Variants in MYH6 observed in about 807,000 individuals in gnomAD.
MYH6 encodes myosin heavy chain 6.
Under a neutral mutation model 223.2 loss-of-function variants are expected in MYH6, and 126 were observed. The observed-to-expected ratio is 0.56, with a 90% CI of 0.49 to 0.65. The LOEUF (loss-of-function observed/expected upper bound fraction) is 0.65, where lower values mean the gene tolerates loss of function less well. MYH6 is among the 30% of genes least tolerant of loss of function. The pLI, the probability that MYH6 is intolerant of heterozygous loss-of-function variation, is 0.00. For missense variants in MYH6, 2,040 were observed against 2,536.4 expected (o/e 0.80, Z 4.20); for synonymous variants, 978 against 1,010.2 (o/e 0.97, Z 0.61).
chr14:23,389,341 A>G, intron 28 of MYH6, 52 bp downstream of exon 28: 1 of 1,581,230 alleles, frequency 6.3e-7, no homozygotes, highest in South Asian at 1.1e-5. Flanking sequence ...CACTGAGATG[A>G]ATTGCCCCAG....
At chr14:23,383,341 G>GGGGGGGGCCCCCCCCCCCCCCC in intron 36 of MYH6, 21 bp from the exon 37 acceptor site, 2 of 556,570 alleles carry the variant, frequency 3.6e-6, no homozygotes, top group Non-Finnish European at 6.5e-6. Flanking sequence ...GAGGGTGGGA[G>GGGGGGGGCCCCCCCCCCCCCCC]AAGCTGGTTT....
In MYH6 at chr14:23,392,615, C is replaced by T. The variant is rs150868324; in HGVS notation, c.3289G>A (p.Glu1097Lys). 3.3e-6 allele frequency: 5 copies of T among 1,526,314 alleles called. No homozygotes were observed. Among genetic ancestry groups the T allele is most frequent in the Non-Finnish European group, 3.6e-6 (4 of 1,126,596 alleles). The allele number at this position is 1,526,314 out of a possible 1,614,324, so 94.5% of individuals were successfully genotyped here. A position where few individuals can be genotyped will look rare whatever the true frequency, so the allele number is the denominator to read the frequency against. Residue 1097 changes from glutamate (E) to lysine (K), a missense_variant, in exon 25 of 39, where the codon GAG (glutamate) becomes AAG (lysine). By Grantham distance (56) the Glu-to-Lys change is moderately conservative. Around this residue, in one of 4 missense-constraint regions of MYH6, gnomAD observed 1,203 missense variants for 1,400.2 expected, o/e 0.86. Transcript: ENST00000405093. ...FDINQQNSKI[E>K]DEQVLALQLQ... The stretch of plus-strand genomic sequence containing the variant: ...TGAAGGGCCAGCACCTGCTCATCCT[C>T]AATCTTACTGTTCTGCTGATTAATG...
chr14:23,393,246 C>T, intron 23 of MYH6, 96 bp downstream of exon 23: 1 of 1,546,198 alleles, frequency 6.5e-7, no homozygotes, highest in Non-Finnish European at 8.9e-7. Context: ...CTTCAGGGGC[C>T]ATAGAAGTTA....
intron 37 of MYH6, 107 bp downstream of exon 37, chr14:23,383,118 A>T: frequency 9.6e-7 from 1 of 1,045,364 alleles, no homozygotes; most frequent in Non-Finnish European, 1.5e-6. Flanking sequence ...TTTGAGAGTT[A>T]AAGTTTATAG....
In MYH6 at chr14:23,394,141, C is replaced by T. The variant is rs869025473; in HGVS notation, c.2612G>A (p.Arg871His). ...CATCTTCTCCTCCAGCTCCTTGCGG[C>T]GAGCCTCGGACTTCTCCAGCGTCTC... ...IKETLEKSEARRKELEEKMVS... is the reference protein window; with the variant it reads ...IKETLEKSEAHRKELEEKMVS... The change falls in exon 21 of 39, where the codon CGC (arginine) becomes CAC (histidine). Residue 871 changes from arginine (R) to histidine (H), a missense_variant. Coordinates refer to ENST00000405093, the MANE Select transcript of MYH6 (RefSeq NM_002471.4). The T allele has an allele frequency of 2.9e-5, 47 of 1,614,078 alleles. No homozygotes were observed. The highest frequency in any genetic ancestry group is 1.6e-4 in the Middle Eastern group (1 of 6,084).
intron 32 of MYH6, 144 bp downstream of exon 32, chr14:23,387,385 G>T (rs546941025): frequency 1.5e-6 from 2 of 1,319,066 alleles, no homozygotes; most frequent in South Asian, 1.2e-5. Flanking sequence ...GCAGTCATGG[G>T]TAGTGAATAG....
At position 23,407,227 on chromosome 14, in the gene MYH6, G is replaced by C. The variant is rs766664888; in HGVS notation, c.-4C>G. ...CAGCCATCTGGGCATCGGTCATCTT[G>C]GTGCTTCCCCTGGGTCAGAGACAGG... On this transcript the variant is annotated 5_prime_UTR_variant, in exon 3 of 39. Coordinates refer to ENST00000405093, the MANE Select transcript of MYH6 (RefSeq NM_002471.4). The surrounding 1 kb of genome is among the most constrained non-coding windows in gnomAD (Gnocchi z 5.6). 1.9e-5 allele frequency: 30 copies of C among 1,614,086 alleles called. No individual in the cohort carries two copies. Among genetic ancestry groups the C allele is most frequent in the Non-Finnish European group, 2.5e-5 (29 of 1,180,042 alleles).
chr14:23,402,801 C>A lies in MYH6; in HGVS notation c.899-1G>T. On this transcript the variant is annotated splice_acceptor_variant, in intron 10 of 38. Coordinates refer to ENST00000405093, the MANE Select transcript of MYH6 (RefSeq NM_002471.4). LOFTEE classifies it high-confidence loss of function. The stretch of plus-strand genomic sequence containing the variant: ...GGATTGTTGGTGACCAGCAGCATGT[C>A]TGCACCAGGCAAGGGGTGAGGCAGG... 6.2e-7 allele frequency: 1 copy of A among 1,601,722 alleles called. No homozygotes were observed. The highest frequency in any genetic ancestry group is 1.1e-5 in the South Asian group (1 of 90,792).
chr14:23,396,479 A>G (rs1251314181), intron 19 of MYH6, 59 bp from the exon 20 acceptor site: 1 of 1,601,310 alleles, frequency 6.2e-7, no homozygotes, highest in Non-Finnish European at 8.5e-7. Flanking sequence ...TCCAGGGTGG[A>G]AGACCCTGGA....
rs1212233435 is a variant in MYH6, at chr14:23,407,107, C to T, written c.117G>A (p.Val39=). The T allele has an allele frequency of 6.2e-7, 1 of 1,614,278 alleles. No individual in the cohort carries two copies. Among genetic ancestry groups the T allele is most frequent in the South Asian group, 1.1e-5 (1 of 91,086 alleles). Residue 39 remains valine, a synonymous_variant, in exon 3 of 39, where the codon GTG becomes GTA. Coordinates refer to ENST00000405093, the MANE Select transcript of MYH6 (RefSeq NM_002471.4). The surrounding 1 kb of genome is among the most constrained non-coding windows in gnomAD (Gnocchi z 5.6). ...TGACAAACTCTTCCTTGTCATCGGG[C>T]ACGAAGCACTCAGTGCGAATGTCAA... ...RPFDIRTECF[V]PDDKEEFVKA...
rs1189674420 is a variant in MYH6, at chr14:23,405,538, C to G, written c.345+89G>C. Reference sequence around the variant, plus strand: ...AAGGGGACTTGGGTCCCTTGGGAGTCTCTCCCCCTCTTCTTGGGAGAGCCC... The same window carrying G: ...AAGGGGACTTGGGTCCCTTGGGAGTGTCTCCCCCTCTTCTTGGGAGAGCCC... On this transcript the variant is annotated intron_variant, in intron 4 of 38. Transcript: ENST00000405093. This position sits in a 1 kb window ranked among gnomAD's most constrained non-coding sequence, Gnocchi z 4.7. The G allele has an allele frequency of 6.9e-6, 11 of 1,603,084 alleles. No individual in the cohort carries two copies. Among genetic ancestry groups the G allele is most frequent in the Non-Finnish European group, 9.4e-6 (11 of 1,173,672 alleles).
At chr14:23,388,011 C>T in intron 30 of MYH6, 88 bp from the exon 31 acceptor site, 1 of 1,605,276 alleles carries the variant, frequency 6.2e-7, no homozygotes, top group Non-Finnish European at 8.5e-7. Flanking sequence ...CCAGCCTCAG[C>T]CGCATGTCCA....
chr14:23,401,634 T>C (rs1427004626), intron 12 of MYH6, among the ~76,000 whole-genome samples: 1 of 152,238 alleles, frequency 6.6e-6, no homozygotes. Flanking sequence ...AGGGTGTGGC[T>C]GAGGGGCTAG....
intron 20 of MYH6, 37 bp downstream of exon 20, chr14:23,396,247 A>G (rs1891389537): frequency 1.2e-6 from 2 of 1,613,618 alleles, no homozygotes; most frequent in Admixed American, 1.7e-5. Context: ...CTGCCTCTAC[A>G]TCTCTAGTGC....
At chr14:23,395,077 C>CTGG (rs1891354192) in intron 20 of MYH6, among the ~76,000 whole-genome samples, 1 of 152,174 alleles carries the variant, frequency 6.6e-6, no homozygotes, top group Non-Finnish European at 1.5e-5. Flanking sequence ...GTTGGCCAGG[C>CTGG]TGGTCTCCAT....
Position 23,393,710 on chromosome 14 carries a change from T to C in MYH6, c.2884A>G (p.Thr962Ala). 6.2e-7 allele frequency: 1 copy of C among 1,614,212 alleles called. No individual in the cohort carries two copies. The highest frequency in any genetic ancestry group is 8.5e-7 in the Non-Finnish European group (1 of 1,180,036). The change falls in exon 22 of 39, where the codon ACA (threonine) becomes GCA (alanine). Residue 962 changes from threonine to alanine, a missense_variant. By Grantham distance (58) the Thr-to-Ala change is moderately conservative. Transcript: ENST00000405093. ...TTCTCCTTCTCCACCTTGGCCAGTG[T>C]CAGCTCCAGGTCATCAATGTCCTTC... ...LKKDIDDLEL[T>A]LAKVEKEKHA... is the part of the protein sequence containing the mutation.
In MYH6 at chr14:23,382,444, C is replaced by T. The variant is rs730880152; in HGVS notation, c.5780G>A (p.Arg1927His). Reference protein sequence around the residue: ...SQVNKLRAKSRDIGAKQKMHD... With the variant: ...SQVNKLRAKSHDIGAKQKMHD... ...GGGACCCACCTTGGCACCAATGTCACGGCTCTTGGCTCGAAGCTTGTTGAC... is the reference window on the plus strand; with the variant it reads ...GGGACCCACCTTGGCACCAATGTCATGGCTCTTGGCTCGAAGCTTGTTGAC... Residue 1927 changes from arginine (R) to histidine (H), a missense_variant, in exon 38 of 39, where the codon CGT (arginine) becomes CAT (histidine). Arg to His is a conservative substitution (Grantham distance 29, BLOSUM62 0). This residue lies in a region of MYH6 where 1,203 missense variants were observed against 1,400.2 expected (regional missense o/e 0.86). Coordinates refer to ENST00000405093, the MANE Select transcript of MYH6 (RefSeq NM_002471.4). 20 of 1,614,022 alleles carry T rather than the reference C, an allele frequency of 1.2e-5. No homozygotes were observed. The highest frequency in any genetic ancestry group is 1.6e-4 in the Middle Eastern group (1 of 6,078).
intron 29 of MYH6, 156 bp downstream of exon 29, chr14:23,388,703 C>T (rs1566507161): frequency 4.9e-6 from 6 of 1,234,062 alleles, no homozygotes; most frequent in African/African-American, 1.5e-5. Context: ...GTTCACAGAG[C>T]AAAGAGTTCA....
Position 23,400,356 on chromosome 14 carries a change from A to G in MYH6, c.1481T>C (p.Met494Thr). 1 of 1,614,148 alleles carries G rather than the reference A, an allele frequency of 6.2e-7. No homozygotes were observed. The highest frequency in any genetic ancestry group is 8.5e-7 in the Non-Finnish European group (1 of 1,180,032). The change falls in exon 14 of 39, where the codon ATG becomes ACG. Residue 494 changes from methionine (M) to threonine (T), a missense_variant. This residue lies in a region of MYH6 where 649 missense variants were observed against 877.3 expected (regional missense o/e 0.74). Coordinates refer to ENST00000405093, the MANE Select transcript of MYH6 (RefSeq NM_002471.4). Reference sequence around the variant, plus strand: ...GTACTCCTCCTGCTCCAGCACGAACATGTGGTGGTTGAAGAACTGCTGCAG... The same window carrying G: ...GTACTCCTCCTGCTCCAGCACGAACGTGTGGTGGTTGAAGAACTGCTGCAG... ...EKLQQFFNHH[M>T]FVLEQEEYKK...
Sources: allele counts gnomAD v4.1 joint callset (sites outside exome capture counted in the v4.1 genomes callset), GRCh38; gene constraint gnomAD v4.1.1; regional missense constraint gnomAD v4.1.1; non-coding constraint Gnocchi (gnomAD v3.1); transcripts MANE v1.5; gene names NCBI Gene and HGNC (gene_info 2026-07-23, HGNC 2026-07-21).